ABCC12: variants seen among roughly 807,000 people sequenced by gnomAD.
ABCC12 encodes ATP-binding cassette sub-family C member 12.
Under a neutral mutation model 151.1 loss-of-function variants are expected in ABCC12, and 142 were observed. The observed-to-expected ratio is 0.94, with a 90% confidence interval of 0.82 to 1.08. The LOEUF is 1.08. ABCC12 is among the 50% of genes least tolerant of loss of function. The probability of loss-of-function intolerance (pLI) is 0.00; values close to 1 mark genes in which losing one functional copy is unlikely to be tolerated. For missense variants in ABCC12, 1,638 were observed against 1,691.1 expected (o/e 0.97, Z 0.55); for synonymous variants, 645 against 646.4 (o/e 1.00, Z 0.03).
chr16:48,130,398 T>C (rs1470264383), intron 10 of ABCC12, among the ~76,000 whole-genome samples: 1 of 152,182 alleles, frequency 6.6e-6, no homozygotes. Flanking sequence ...AATGAGTGCA[T>C]AAATGTAGGG....
intron 25 of ABCC12, among the ~76,000 whole-genome samples, chr16:48,090,008 A>G (rs955068804): frequency 6.6e-6 from 1 of 152,180 alleles, no homozygotes; most frequent in African/African-American, 2.4e-5. Context: ...AAGAAATTGA[A>G]TGTATTAAAT....
intron 9 of ABCC12, 140 bp downstream of exon 9, chr16:48,133,547 T>A: frequency 1.0e-6 from 1 of 961,914 alleles, no homozygotes; most frequent in Non-Finnish European, 1.5e-6. Context: ...AAAAAAAAGT[T>A]GGAGTTGAAG....
In ABCC12 at chr16:48,088,628, T is replaced by G; in HGVS notation, c.3392A>C (p.Asp1131Ala). Reference protein sequence around the residue: ...TFRDYQMRYRDNTPLVLDSLN... With the variant: ...TFRDYQMRYRANTPLVLDSLN... ...GCTGTCGAGAACAAGGGGGGTGTTGTCTCTGTATCTCATCTGATAGTCTCT... is the reference window on the plus strand; with the variant it reads ...GCTGTCGAGAACAAGGGGGGTGTTGGCTCTGTATCTCATCTGATAGTCTCT... Residue 1131 changes from aspartate to alanine, a missense_variant, in exon 26 of 31, where the codon GAC becomes GCC. Asp to Ala is a moderately radical substitution (Grantham distance 126). Transcript: ENST00000311303. 6.2e-7 allele frequency: 1 copy of G among 1,614,216 alleles called. No individual in the cohort carries two copies. Among genetic ancestry groups the G allele is most frequent in the Non-Finnish European group, 8.5e-7 (1 of 1,180,048 alleles).
chr16:48,090,401 CTTTTTT>C (rs1011013161), intron 25 of ABCC12, among the ~76,000 whole-genome samples: 1 of 118,950 alleles, frequency 8.4e-6, no homozygotes, highest in African/African-American at 3.2e-5. Context: ...CAAATTTGAA[CTTTTTT>C]TTTTTTTTTT....
At chr16:48,130,653 T>G (rs1223998684) in intron 10 of ABCC12, 135 bp downstream of exon 10, 31 of 643,842 alleles carry the variant, frequency 4.8e-5, no homozygotes, top group Non-Finnish European at 7.5e-5. Context: ...TAACTCTGAA[T>G]GGATGCCCTC....
intron 2 of ABCC12, among the ~76,000 whole-genome samples, chr16:48,146,924 C>T (rs1965024029): frequency 6.6e-6 from 1 of 151,816 alleles, no homozygotes; most frequent in South Asian, 2.1e-4. Flanking sequence ...CACACATCCA[C>T]AAACATGCAC....
chr16:48,094,238 C>A (rs1963012411), intron 24 of ABCC12, among the ~76,000 whole-genome samples: 1 of 152,228 alleles, frequency 6.6e-6, no homozygotes, highest in African/African-American at 2.4e-5. Context: ...AAGGAAAATT[C>A]ATTTTTCCCC....
chr16:48,094,106 C>T (rs1963008418), intron 24 of ABCC12, among the ~76,000 whole-genome samples: 1 of 152,182 alleles, frequency 6.6e-6, no homozygotes, highest in Admixed American at 6.5e-5. Flanking sequence ...AAAGCATGAC[C>T]TTAGTTGGGG....
intron 18 of ABCC12, 76 bp from the exon 19 acceptor site, chr16:48,108,605 C>T: frequency 8.8e-7 from 1 of 1,130,210 alleles, no homozygotes; most frequent in Non-Finnish European, 1.3e-6. Context: ...GGCCCCTCCA[C>T]AGACTCCACA....
At chr16:48,098,837 T>G (rs1217650758) in intron 23 of ABCC12, among the ~76,000 whole-genome samples, 1 of 152,234 alleles carries the variant, frequency 6.6e-6, no homozygotes, top group Non-Finnish European at 1.5e-5. Flanking sequence ...TGGCTCCCTA[T>G]AGGATTCTCT....
intron 29 of ABCC12, among the ~76,000 whole-genome samples, chr16:48,084,948 G>C (rs13333856): frequency 6.6e-6 from 1 of 151,972 alleles, no homozygotes; most frequent in Non-Finnish European, 1.5e-5. Flanking sequence ...CTGTTCCCTC[G>C]TAGGTGAAAG....
chr16:48,124,180 T>C (rs1241292183), intron 12 of ABCC12, 33 bp downstream of exon 12: 2 of 1,605,872 alleles, frequency 1.2e-6, no homozygotes, highest in African/African-American at 2.7e-5. Context: ...CATGTTAATG[T>C]TCCATCTTCA....
chr16:48,113,730 G>C (rs774002646), intron 15 of ABCC12, among the ~76,000 whole-genome samples: 1 of 152,186 alleles, frequency 6.6e-6, no homozygotes, highest in Non-Finnish European at 1.5e-5. Flanking sequence ...AAAATGACAC[G>C]GGAAGGTGGA....
In ABCC12 at chr16:48,138,238, GT is replaced by G. The variant is rs778534453; in HGVS notation, c.968del (p.Asn323ThrfsTer6). ...KMYAWEKSFTNTIQDIRRRER... is the reference protein window; with the variant it reads ...KMYAWEKSFTXTIQDIRRRER... ...CTACTCTTGTCCTACCTTGGATAGT[GT>G]TGGTAAAAGATTTCTCCCAGGCATA... On this transcript the variant is annotated frameshift_variant, in exon 8 of 31. Coordinates refer to ENST00000311303, the MANE Select transcript of ABCC12 (RefSeq NM_001393797.1). LOFTEE classifies it high-confidence loss of function. 5 of 1,609,218 alleles carry G rather than the reference GT, an allele frequency of 3.1e-6. No homozygotes were observed. In the East Asian group the frequency reaches 8.9e-5, roughly 29 times the overall value.
intron 22 of ABCC12, among the ~76,000 whole-genome samples, chr16:48,103,802 T>C (rs1223723298): frequency 6.6e-6 from 1 of 152,222 alleles, no homozygotes; most frequent in Non-Finnish European, 1.5e-5. Context: ...GGCCTTTCTC[T>C]AAACACACCC....
chr16:48,103,421 C>A (rs537254567), intron 22 of ABCC12, among the ~76,000 whole-genome samples: 68 of 152,208 alleles, frequency 4.5e-4, no homozygotes, highest in Non-Finnish European at 9.0e-4. Context: ...TTTTAACCAA[C>A]AAGCATTGGT....
rs977959728 is a variant in ABCC12 at position 48,082,766 on chromosome 16, C to T, written c.*949G>A. On this transcript the variant is annotated 3_prime_UTR_variant, in exon 31 of 31. Transcript: ENST00000311303. ...AATGAAAAACAGCCAGAACTCCCAGCGTGCCCCTTGGCGGCTACTACACAA... is the reference window on the plus strand; with the variant it reads ...AATGAAAAACAGCCAGAACTCCCAGTGTGCCCCTTGGCGGCTACTACACAA... Among the ~76,000 whole-genome samples, 1 of 152,206 alleles carries T rather than the reference C, an allele frequency of 6.6e-6. No homozygotes were observed. Among genetic ancestry groups the T allele is most frequent in the Non-Finnish European group, 1.5e-5 (1 of 68,032 alleles).
Position 48,139,356 on chromosome 16 carries a change from G to T in ABCC12, c.658-20C>A, listed in dbSNP as rs746817856. The T allele has an allele frequency of 5.0e-6, 8 of 1,584,490 alleles. No individual in the cohort carries two copies. The highest frequency in any genetic ancestry group is 6.8e-6 in the Non-Finnish European group (8 of 1,168,568). ...GAGCACCTGGAAAGAAAAGCGCAAAGGTTCAGGCTTTGGAAGAGTCAGTCA... is the reference window on the plus strand; with the variant it reads ...GAGCACCTGGAAAGAAAAGCGCAAATGTTCAGGCTTTGGAAGAGTCAGTCA... On this transcript the variant is annotated intron_variant, in intron 6 of 30. Coordinates refer to ENST00000311303, the MANE Select transcript of ABCC12 (RefSeq NM_001393797.1).
At chr16:48,091,031 G>C (rs1345346184) in intron 25 of ABCC12, 89 bp downstream of exon 25, 1 of 1,300,950 alleles carries the variant, frequency 7.7e-7, no homozygotes, top group Non-Finnish European at 1.1e-6. Context: ...TTTTTAAAAA[G>C]ACCCCTTTCG....
Sources: allele counts gnomAD v4.1 joint callset (sites outside exome capture counted in the v4.1 genomes callset), GRCh38; gene constraint gnomAD v4.1.1; transcripts MANE v1.5; gene names NCBI Gene and HGNC (gene_info 2026-07-23, HGNC 2026-07-21).